The following MECOM variants were observed in gnomAD, a reference collection of about 807,000 sequenced individuals.
The protein encoded by MECOM is histone-lysine N-methyltransferase MECOM.
In MECOM, 13 loss-of-function variants were observed where a neutral mutation model predicts 116.3. The observed-to-expected ratio is 0.11, with a 90% CI of 0.07 to 0.18. MECOM has a LOEUF of 0.18. Among genes scored for constraint, MECOM ranks in the 10% least tolerant of loss-of-function variants. The pLI, the probability that MECOM is intolerant of heterozygous loss-of-function variation, is 1.00. For synonymous variants in MECOM, 528 were observed against 535.2 expected (o/e 0.99, Z 0.19); for missense variants, 1,299 against 1,509.0 (o/e 0.86, Z 2.31).
intron 13 of MECOM, among the ~76,000 whole-genome samples, chr3:169,093,944 T>A (rs1448104225): frequency 1.3e-5 from 2 of 152,218 alleles, no homozygotes. Flanking sequence ...GGTCAAAAAG[T>A]ATTAACTTTG....
chr3:169,568,110 G>A (rs1437454436), intron 1 of MECOM, among the ~76,000 whole-genome samples: 1 of 152,170 alleles, frequency 6.6e-6, no homozygotes, highest in Non-Finnish European at 1.5e-5. Context: ...CCCAGGAAAT[G>A]CAAGGGGTCG....
intron 1 of MECOM, among the ~76,000 whole-genome samples, chr3:169,441,917 ATGTTTTGTTTTGTTT>A (rs200923526): frequency 6.9e-6 from 1 of 144,668 alleles, no homozygotes; most frequent in Non-Finnish European, 1.5e-5. Flanking sequence ...TTGTTTTGTT[ATGTTTTGTTTTGTTT>A]TGTTTTGTTT....
At chr3:169,348,626 A>G (rs1409612560) in intron 2 of MECOM, among the ~76,000 whole-genome samples, 2 of 152,042 alleles carry the variant, frequency 1.3e-5, no homozygotes, top group East Asian at 3.9e-4. Context: ...TTATTTCATA[A>G]GAGAAGTAAA....
intron 1 of MECOM, among the ~76,000 whole-genome samples, chr3:169,599,842 G>A (rs1190469733): frequency 6.6e-6 from 1 of 152,148 alleles, no homozygotes; most frequent in Non-Finnish European, 1.5e-5. Context: ...TTCAAAGACT[G>A]TACATCATTA....
chr3:169,438,055 T>C (rs1203508267), intron 1 of MECOM, among the ~76,000 whole-genome samples: 1 of 152,148 alleles, frequency 6.6e-6, no homozygotes, highest in African/African-American at 2.4e-5. Context: ...ATGACTCTCA[T>C]CCCCATTTTA....
chr3:169,646,656 AAAATTAG>A (rs1774231068), intron 1 of MECOM, among the ~76,000 whole-genome samples: 2 of 152,190 alleles, frequency 1.3e-5, no homozygotes, highest in South Asian at 4.1e-4. Context: ...ACAAAAAAAA[AAAATTAG>A]AAAGTTGTAG....
chr3:169,440,167 A>G (rs1339916953), intron 1 of MECOM, among the ~76,000 whole-genome samples: 1 of 151,754 alleles, frequency 6.6e-6, no homozygotes, highest in Non-Finnish European at 1.5e-5. Flanking sequence ...TTTTATTTTT[A>G]TATTCCATTA....
chr3:169,128,298 C>T (rs1340191919), intron 4 of MECOM, among the ~76,000 whole-genome samples: 2 of 152,136 alleles, frequency 1.3e-5, no homozygotes, highest in Non-Finnish European at 2.9e-5. Flanking sequence ...AACTTTTTGA[C>T]TAAACCTTTT....
In MECOM at chr3:169,611,667, A is replaced by G. The variant is rs1310294817; in HGVS notation, c.37+51669T>C. On this transcript the variant is annotated intron_variant, in intron 1 of 16. Transcript: ENST00000651503. The surrounding 1 kb of genome is among the most constrained non-coding windows in gnomAD (Gnocchi z 4.1). ...TCTCTGGACCTCAAAATCACTATAT[A>G]TCTTTTTTAAAATATTTTATTTTCC... Among the ~76,000 whole-genome samples the G allele has an allele frequency of 1.3e-5, 2 of 152,218 alleles. No individual in the cohort carries two copies. Among genetic ancestry groups the G allele is most frequent in the Admixed American group, 6.5e-5 (1 of 15,280 alleles).
intron 1 of MECOM, among the ~76,000 whole-genome samples, chr3:169,485,985 G>GTATATATGTA (rs1752262534): frequency 1.9e-5 from 1 of 53,288 alleles, no homozygotes; most frequent in Non-Finnish European, 3.4e-5. Flanking sequence ...TATATATATA[G>GTATATATGTA]TATATATATG....
chr3:169,375,006 G>A (rs1173307473), intron 2 of MECOM, among the ~76,000 whole-genome samples: 1 of 151,908 alleles, frequency 6.6e-6, no homozygotes, highest in Non-Finnish European at 1.5e-5. Context: ...CAGCCTGGGT[G>A]ACATAGACAA....
chr3:169,477,334 C>T (rs762768821), intron 1 of MECOM, among the ~76,000 whole-genome samples: 14 of 151,428 alleles, frequency 9.2e-5, no homozygotes, highest in Non-Finnish European at 1.9e-4. Context: ...CTTTGCGCCC[C>T]GTCATTCTCC....
rs115217864 is a variant in MECOM, at chr3:169,449,757, C to T, written c.38-68233G>A. ...ACGTAAAGAAATATAGGATGTGATA[C>T]CATCGGAAAAAAAGAAATACAATGA... is the stretch of plus-strand genomic sequence containing the variant. On this transcript the variant is annotated intron_variant, in intron 1 of 16. Transcript: ENST00000651503. 6.5e-3 allele frequency among the ~76,000 whole-genome samples: 989 copies of T among 152,110 alleles called. 9 individuals are homozygous for T. The highest frequency in any genetic ancestry group is 0.023 in the African/African-American group (953 of 41,504).
At chr3:169,276,997 TACACAC>T (rs71300479) in intron 2 of MECOM, among the ~76,000 whole-genome samples, 8,073 of 144,452 alleles carry the variant, frequency 0.056, 705 homozygotes, top group African/African-American at 0.19. Context: ...TAATTTATGT[TACACAC>T]ACACACACAC....
chr3:169,508,237 T>G (rs984781252), intron 1 of MECOM, among the ~76,000 whole-genome samples: 1 of 152,076 alleles, frequency 6.6e-6, no homozygotes, highest in Non-Finnish European at 1.5e-5. Context: ...ACAATTATTT[T>G]GTTGAGTATT....
intron 2 of MECOM, chr3:169,147,561 C>A: frequency 1.0e-6 from 1 of 985,382 alleles, no homozygotes; most frequent in Non-Finnish European, 1.2e-6. Context: ...TCGCCAAGAC[C>A]CAAGTCCTAT....
At chr3:169,174,035 A>T (rs1243118430) in intron 2 of MECOM, among the ~76,000 whole-genome samples, 1 of 152,204 alleles carries the variant, frequency 6.6e-6, no homozygotes, top group Non-Finnish European at 1.5e-5. Context: ...TTTGCCCAGC[A>T]TATCCTGTCT....
At chr3:169,398,116 A>G (rs1249213628) in intron 1 of MECOM, among the ~76,000 whole-genome samples, 1 of 152,210 alleles carries the variant, frequency 6.6e-6, no homozygotes, top group Non-Finnish European at 1.5e-5. Context: ...TTGTAGAAGT[A>G]GTTAAATACA....
chr3:169,558,864 A>C (rs1192193253), intron 1 of MECOM, among the ~76,000 whole-genome samples: 1 of 152,164 alleles, frequency 6.6e-6, no homozygotes. Context: ...TTGGGAAAAA[A>C]GCATCTAGAT....
Sources: allele counts gnomAD v4.1 joint callset (sites outside exome capture counted in the v4.1 genomes callset), GRCh38; gene constraint gnomAD v4.1.1; non-coding constraint Gnocchi (gnomAD v3.1); transcripts MANE v1.5; gene names NCBI Gene and HGNC (gene_info 2026-07-23, HGNC 2026-07-21).